Variants in NECTIN1 observed in about 807,000 individuals in gnomAD.
The protein encoded by NECTIN1 is nectin cell adhesion molecule 1.
NECTIN1 carries 23 observed loss-of-function variants against 48.0 expected under a neutral mutation model. That is an observed-to-expected ratio of 0.48 (90% CI 0.34 to 0.68). NECTIN1 has a LOEUF of 0.68. Among genes scored for constraint, NECTIN1 ranks in the 30% least tolerant of loss-of-function variants. The pLI, the probability that NECTIN1 is intolerant of heterozygous loss-of-function variation, is 0.01. For missense variants in NECTIN1, 591 were observed against 709.9 expected (o/e 0.83, Z 1.90); for synonymous variants, 270 against 288.9 (o/e 0.93, Z 0.66).
At chr11:119,705,769 G>A (rs560345588) in intron 1 of NECTIN1, among the ~76,000 whole-genome samples, 75 of 152,362 alleles carry the variant, frequency 4.9e-4, no homozygotes, top group African/African-American at 1.8e-3. Flanking sequence ...GGAGGCGACT[G>A]CAATCATCTG....
rs946755057 is a variant in NECTIN1 at position 119,663,100 on chromosome 11, G to A, written c.*1647C>T. On this transcript the variant is annotated 3_prime_UTR_variant, in exon 6 of 6. Coordinates refer to ENST00000264025, the MANE Select transcript of NECTIN1 (RefSeq NM_002855.5). The stretch of plus-strand genomic sequence containing the variant: ...GTGCCCGTGGGGCACAGAGTGGTCT[G>A]CCTCCCTCCTCCCCAACACTTGCCA... 8 of 985,400 alleles carry A rather than the reference G, an allele frequency of 8.1e-6. No individual in the cohort carries two copies. The African/African-American group carries it at 1.4e-4, about 17-fold the overall frequency. 61.0% of individuals were successfully genotyped at this position (985,400 alleles called of 1,614,324 possible). A position where few individuals can be genotyped will look rare whatever the true frequency, so the allele number is the denominator to read the frequency against.
intron 1 of NECTIN1, among the ~76,000 whole-genome samples, chr11:119,693,728 C>T (rs969363824): frequency 1.3e-5 from 2 of 152,150 alleles, no homozygotes; most frequent in Non-Finnish European, 2.9e-5. Flanking sequence ...TAATGTTGGA[C>T]GGTGAAGCCG....
Position 119,727,022 on chromosome 11 carries a change from C to A in NECTIN1, c.79+1453G>T, listed in dbSNP as rs1865919707. On this transcript the variant is annotated intron_variant, in intron 1 of 5. Coordinates refer to ENST00000264025, the MANE Select transcript of NECTIN1 (RefSeq NM_002855.5). This position sits in a 1 kb window ranked among gnomAD's most constrained non-coding sequence, Gnocchi z 4.1. ...TGAGCCCTGGATTTTCCCCACCCCC[C>A]ACATCGAGCAGGGCAGCACCCCAGG... Among the ~76,000 whole-genome samples the A allele has an allele frequency of 6.6e-6, 1 of 152,136 alleles. No individual in the cohort carries two copies. Among genetic ancestry groups the A allele is most frequent in the South Asian group, 2.1e-4 (1 of 4,822 alleles).
chr11:119,652,284 C>T (rs1591441053), intron 5 of NECTIN1, among the ~76,000 whole-genome samples: 1 of 152,156 alleles, frequency 6.6e-6, no homozygotes, highest in African/African-American at 2.4e-5. Context: ...CTCTGTTGTG[C>T]CCCACGACTC....
At chr11:119,693,760 T>C (rs941900452) in intron 1 of NECTIN1, among the ~76,000 whole-genome samples, 2 of 152,196 alleles carry the variant, frequency 1.3e-5, no homozygotes, top group East Asian at 3.9e-4. Context: ...CAGAGGCTAC[T>C]GGGATAGCAC....
chr11:119,666,221 C>A (rs563078309), intron 5 of NECTIN1, among the ~76,000 whole-genome samples: 1 of 152,200 alleles, frequency 6.6e-6, no homozygotes, highest in South Asian at 2.1e-4. Flanking sequence ...ACACGCTTGC[C>A]GTCATAGCAA....
At chr11:119,668,009 G>C (rs140375088) in intron 5 of NECTIN1, among the ~76,000 whole-genome samples, 5 of 152,220 alleles carry the variant, frequency 3.3e-5, no homozygotes, top group African/African-American at 1.2e-4. Flanking sequence ...CTACTAGAGG[G>C]ACACGTCAAA....
chr11:119,728,536 A>T lies in NECTIN1; in HGVS notation c.18T>A (p.Leu6=). The T allele has an allele frequency of 6.3e-7, 1 of 1,590,230 alleles. No individual in the cohort carries two copies. Among genetic ancestry groups the T allele is most frequent in the Non-Finnish European group, 8.6e-7 (1 of 1,168,490 alleles). Residue 6 remains leucine (L), a synonymous_variant, in exon 1 of 6, where the codon CTT becomes CTA. Coordinates refer to ENST00000264025, the MANE Select transcript of NECTIN1 (RefSeq NM_002855.5). The stretch of plus-strand genomic sequence containing the variant: ...CCCACCAGCGTCCAGCGGCGCCCGC[A>T]AGCCCCATCCGAGCCATCGGGGGCC... MARMG[L]AGAAGRWWGL... is the part of the protein sequence containing the mutation.
At chr11:119,722,343 GAGA>G (rs1342108270) in intron 1 of NECTIN1, among the ~76,000 whole-genome samples, 1 of 152,246 alleles carries the variant, frequency 6.6e-6, no homozygotes, top group Non-Finnish European at 1.5e-5. Flanking sequence ...TTCTGCCAGT[GAGA>G]AGGAGGTGAC....
chr11:119,641,003 G>A (rs1388018477), intron 5 of NECTIN1: 3 of 152,200 alleles, frequency 2.0e-5, no homozygotes, highest in Non-Finnish European at 4.4e-5. Flanking sequence ...GAATTGACAA[G>A]TCCCTTCCAC....
intron 1 of NECTIN1, among the ~76,000 whole-genome samples, chr11:119,726,666 G>C (rs1241624869): frequency 6.6e-6 from 1 of 152,156 alleles, no homozygotes; most frequent in East Asian, 1.9e-4. Flanking sequence ...GAATCACAAA[G>C]CTGGGGAAAG....
chr11:119,684,209 A>G lies in NECTIN1; in HGVS notation c.80-5444T>C, dbSNP rs1591463701. On this transcript the variant is annotated intron_variant, in intron 1 of 5. Coordinates refer to ENST00000264025, the MANE Select transcript of NECTIN1 (RefSeq NM_002855.5). The surrounding 1 kb of genome is among the most constrained non-coding windows in gnomAD (Gnocchi z 5.2). ...GGCTCAGGGGTAGGTGAAAGTGGGT[A>G]CCTAGGTGAGGCGAGGGGGATTTGG... Among the ~76,000 whole-genome samples the G allele has an allele frequency of 6.6e-6, 1 of 152,186 alleles. No homozygotes were observed. Among genetic ancestry groups the G allele is most frequent in the Admixed American group, 6.5e-5 (1 of 15,284 alleles).
At chr11:119,659,827 G>A (rs998370048), downstream of NECTIN1, among the ~76,000 whole-genome samples, 3 of 152,210 alleles carry the variant, frequency 2.0e-5, no homozygotes, top group South Asian at 2.1e-4. Flanking sequence ...CTCTTCCAAT[G>A]TATTAATAAT....
chr11:119,708,945 G>T (rs1028566494), intron 1 of NECTIN1, among the ~76,000 whole-genome samples: 2 of 152,008 alleles, frequency 1.3e-5, no homozygotes, highest in Non-Finnish European at 2.9e-5. Flanking sequence ...CCGGTCTTCT[G>T]AAGTCCAAGA....
rs757777524 is a variant in NECTIN1 at position 119,678,621 on chromosome 11, T to C, written c.224A>G (p.Lys75Arg). 2 of 1,614,142 alleles carry C rather than the reference T, an allele frequency of 1.2e-6. No homozygotes were observed. The highest frequency in any genetic ancestry group is 2.2e-5 in the East Asian group (1 of 44,868). Residue 75 changes from lysine to arginine, a missense_variant, in exon 2 of 6, where the codon AAG becomes AGG. Lys to Arg is a conservative substitution (Grantham distance 26, BLOSUM62 2). Coordinates refer to ENST00000264025, the MANE Select transcript of NECTIN1 (RefSeq NM_002855.5). This position sits in a 1 kb window ranked among gnomAD's most constrained non-coding sequence, Gnocchi z 4.4. ...VTWQKSTNGS[K>R]QNVAIYNPSM... Reference sequence around the variant, plus strand: ...TGGGTTGTAGATGGCCACGTTCTGCTTGGAGCCATTGGTGGACTTCTGCCA... The same window carrying C: ...TGGGTTGTAGATGGCCACGTTCTGCCTGGAGCCATTGGTGGACTTCTGCCA...
intron 5 of NECTIN1, among the ~76,000 whole-genome samples, chr11:119,668,969 A>T (rs974564484): frequency 1.3e-5 from 2 of 152,168 alleles, no homozygotes; most frequent in African/African-American, 2.4e-5. Context: ...AACAGCAGAG[A>T]CCCAATAAAA....
At chr11:119,666,941 G>C (rs1000723776) in intron 5 of NECTIN1, among the ~76,000 whole-genome samples, 12 of 152,258 alleles carry the variant, frequency 7.9e-5, no homozygotes, top group African/African-American at 2.6e-4. Flanking sequence ...ACTCATCCAA[G>C]GTCACGCGGC....
At chr11:119,692,111 T>TG (rs1865264937) in intron 1 of NECTIN1, among the ~76,000 whole-genome samples, 1 of 152,078 alleles carries the variant, frequency 6.6e-6, no homozygotes, top group Non-Finnish European at 1.5e-5. Flanking sequence ...TTCCCATGCT[T>TG]CCCCGCCCGA....
At chr11:119,707,704 G>A (rs1204852258) in intron 1 of NECTIN1, among the ~76,000 whole-genome samples, 1 of 152,038 alleles carries the variant, frequency 6.6e-6, no homozygotes, top group Middle Eastern at 3.2e-3. Context: ...TATTTTTTTG[G>A]ATTTTTAATT....
Sources: gnomAD v4.1 joint callset for allele counts (sites outside exome capture counted in the v4.1 genomes callset) on GRCh38, gnomAD v4.1.1 for gene constraint, Gnocchi (gnomAD v3.1) non-coding constraint, MANE v1.5 for transcripts, NCBI Gene and HGNC (gene_info 2026-07-23, HGNC 2026-07-21) for gene names.